Variants in CD82 observed in about 807,000 individuals in gnomAD.
CD82 encodes the protein CD82 molecule, also known as CD82 antigen.
In CD82, 36 loss-of-function variants were observed where a neutral mutation model predicts 37.4. That is an observed-to-expected ratio of 0.96 (90% CI 0.74 to 1.27). CD82 has a LOEUF of 1.27. CD82 is among the 50% of genes most tolerant of loss of function. The pLI is 0.00. For synonymous variants in CD82, 158 were observed against 137.4 expected (o/e 1.15, Z -1.05); for missense variants, 340 against 347.0 (o/e 0.98, Z 0.16).
At chr11:44,604,940 A>C in intron 4 of CD82, 118 bp from the exon 5 acceptor site, 1 of 1,401,152 alleles carries the variant, frequency 7.1e-7, no homozygotes, top group Non-Finnish European at 1.0e-6. Context: ...CAGCAGGGGA[A>C]TGCAGCTGAC....
intron 1 of CD82, chr11:44,573,288 A>G: frequency 6.6e-6 from 1 of 152,272 alleles, no homozygotes; most frequent in Non-Finnish European, 1.5e-5. Context: ...AACAATTGGT[A>G]AATTATACTA....
chr11:44,592,455 G>C (rs557364452), intron 2 of CD82, among the ~76,000 whole-genome samples: 1 of 152,332 alleles, frequency 6.6e-6, no homozygotes, highest in East Asian at 1.9e-4. Context: ...GAGGAGACCT[G>C]GTCAGGCTGA....
chr11:44,605,052 C>T lies in CD82; in HGVS notation c.137-6C>T. ...CCACTGATTTTGTACTTCTTCTTCCCCCTAGAAACCTCCTCCAGCTCGCTT... is the reference window on the plus strand; with the variant it reads ...CCACTGATTTTGTACTTCTTCTTCCTCCTAGAAACCTCCTCCAGCTCGCTT... On this transcript the variant is annotated splice_polypyrimidine_tract_variant and splice_region_variant and intron_variant, in intron 4 of 9. Transcript: ENST00000227155. 1 of 1,614,168 alleles carries T rather than the reference C, an allele frequency of 6.2e-7. No individual in the cohort carries two copies. Among genetic ancestry groups the T allele is most frequent in the South Asian group, 1.1e-5 (1 of 91,086 alleles).
At chr11:44,608,452 T>C (rs1853431707) in intron 6 of CD82, among the ~76,000 whole-genome samples, 3 of 152,144 alleles carry the variant, frequency 2.0e-5, no homozygotes, top group African/African-American at 4.8e-5. Flanking sequence ...GCTCTACCAC[T>C]CAGGTTGAAG....
intron 6 of CD82, among the ~76,000 whole-genome samples, chr11:44,613,176 T>C (rs76108626): frequency 0.023 from 3,472 of 152,298 alleles, 112 homozygotes; most frequent in African/African-American, 0.078. Context: ...GCCTTCTCCT[T>C]GGCATCCCTG....
At chr11:44,565,379 G>A (rs114584544), upstream of CD82, among the ~76,000 whole-genome samples, 924 of 152,294 alleles carry the variant, frequency 6.1e-3, 14 homozygotes, top group African/African-American at 0.022. Flanking sequence ...CTGGAGCGGG[G>A]CGGGCTTAAT....
intron 2 of CD82, among the ~76,000 whole-genome samples, chr11:44,593,742 G>C (rs57662479): frequency 0.12 from 18,604 of 152,138 alleles, 1,240 homozygotes; most frequent in South Asian, 0.23. Context: ...TGGGGTTCCT[G>C]AATGGGTTTC....
At chr11:44,591,380 G>A (rs542710294) in intron 2 of CD82, among the ~76,000 whole-genome samples, 18 of 152,318 alleles carry the variant, frequency 1.2e-4, no homozygotes, top group Admixed American at 3.9e-4. Flanking sequence ...GCGTGACCAA[G>A]GGACCAGCCA....
In CD82 at chr11:44,619,097, G is replaced by A. The variant is rs766230830; in HGVS notation, c.775G>A (p.Glu259Lys). 45 of 1,613,384 alleles carry A rather than the reference G, an allele frequency of 2.8e-5. No homozygotes were observed. The highest frequency in any genetic ancestry group is 1.7e-4 in the African/African-American group (13 of 74,734). The stretch of plus-strand genomic sequence containing the variant: ...CTGCTTGTGCCGGCACGTCCATTCC[G>A]AAGACTACAGCAAGGTCCCCAAGTA... ...SICLCRHVHS[E>K]DYSKVPKY Residue 259 changes from glutamate (E) to lysine (K), a missense_variant, in exon 10 of 10, where the codon GAA (glutamate) becomes AAA (lysine). Glu to Lys is a moderately conservative substitution (Grantham distance 56). Transcript: ENST00000227155.
In CD82 at chr11:44,615,433, CTG is replaced by C. The variant is rs1853550261; in HGVS notation, c.438+63_438+64del. 1.4e-5 allele frequency: 14 copies of C among 1,002,986 alleles called. No individual in the cohort carries two copies. The South Asian group carries it at 1.4e-4, about 10-fold the overall frequency. The allele number at this position is 1,002,986 out of a possible 1,614,324, so 62.1% of individuals were successfully genotyped here. A position where few individuals can be genotyped will look rare whatever the true frequency, so the allele number is the denominator to read the frequency against. ...CCTGGGTGTCCCTGCATTTGGGGCT[CTG>C]TGCACCCACATGTCTGGGACTGGCA... is the stretch of plus-strand genomic sequence containing the variant. On this transcript the variant is annotated intron_variant, in intron 7 of 9. Transcript: ENST00000227155.
intron 2 of CD82, among the ~76,000 whole-genome samples, chr11:44,589,028 A>G (rs1853101621): frequency 6.6e-6 from 1 of 152,212 alleles, no homozygotes; most frequent in African/African-American, 2.4e-5. Flanking sequence ...AGGCCTAGGC[A>G]GGTGTATCAC....
chr11:44,566,279 T>A (rs970967967), intron 1 of CD82: 1 of 152,294 alleles, frequency 6.6e-6, no homozygotes, highest in African/African-American at 2.4e-5. Flanking sequence ...ACAGTTCAAC[T>A]GAGCCGGACC....
At chr11:44,588,500 G>A (rs1853094384) in intron 2 of CD82, among the ~76,000 whole-genome samples, 1 of 152,196 alleles carries the variant, frequency 6.6e-6, no homozygotes, top group African/African-American at 2.4e-5. Context: ...GGGGTTACAG[G>A]CTTGAGCCAC....
chr11:44,592,491 G>A (rs1044755697), intron 2 of CD82, among the ~76,000 whole-genome samples: 25 of 152,356 alleles, frequency 1.6e-4, no homozygotes, highest in African/African-American at 5.5e-4. Context: ...TGGTAGGAAA[G>A]AAGAACAGAT....
intron 1 of CD82, among the ~76,000 whole-genome samples, chr11:44,571,061 G>A (rs1267936088): frequency 6.6e-6 from 1 of 152,220 alleles, no homozygotes; most frequent in Non-Finnish European, 1.5e-5. Context: ...CTGTGTGGAA[G>A]GGTGATCTGG....
Position 44,619,036 on chromosome 11 carries a change from C to T in CD82, c.727-13C>T. On this transcript the variant is annotated splice_polypyrimidine_tract_variant and intron_variant, in intron 9 of 9. Coordinates refer to ENST00000227155, the MANE Select transcript of CD82 (RefSeq NM_002231.4). ...CACCCAGCCTCCCTCTGACTCTCCG[C>T]CTCTCCCCACAGCTCCTGGGGATGG... The T allele has an allele frequency of 6.2e-7, 1 of 1,612,708 alleles. No individual in the cohort carries two copies. The highest frequency in any genetic ancestry group is 8.5e-7 in the Non-Finnish European group (1 of 1,179,142).
At chr11:44,606,703 A>G (rs1046643278) in intron 6 of CD82, 2 of 152,232 alleles carry the variant, frequency 1.3e-5, no homozygotes, top group African/African-American at 4.8e-5. Context: ...GAAACTTTCC[A>G]TACAGCGTCT....
At chr11:44,594,782 A>G in intron 3 of CD82, 57 bp downstream of exon 3, 1 of 1,455,950 alleles carries the variant, frequency 6.9e-7, no homozygotes, top group Non-Finnish European at 9.7e-7. Context: ...TTCCAGGGGC[A>G]TCCCAGCCTG....
intron 6 of CD82, among the ~76,000 whole-genome samples, chr11:44,610,754 G>C (rs1407347761): frequency 6.6e-6 from 1 of 152,222 alleles, no homozygotes; most frequent in African/African-American, 2.4e-5. Context: ...GAGGGAGACA[G>C]GGAAGACAGG....
Sources: gnomAD v4.1 joint callset for allele counts (sites outside exome capture counted in the v4.1 genomes callset) on GRCh38, gnomAD v4.1.1 for gene constraint, MANE v1.5 for transcripts, NCBI Gene and HGNC (gene_info 2026-07-23, HGNC 2026-07-21) for gene names.